Variants in CLDN15 observed in about 807,000 individuals in gnomAD.
CLDN15 encodes the protein claudin-15.
CLDN15 carries 9 observed loss-of-function variants against 24.5 expected under a neutral mutation model. That is an observed-to-expected ratio of 0.37 (90% CI 0.22 to 0.64). CLDN15 has a LOEUF of 0.64. CLDN15 is among the 30% of genes least tolerant of loss of function. CLDN15 has a pLI of 0.63. For synonymous variants in CLDN15, 149 were observed against 131.4 expected, an observed-to-expected ratio of 1.13 and a Z score of -0.92; for missense variants, 248 against 305.9, an observed-to-expected ratio of 0.81 and a Z score of 1.41.
Position 101,236,260 on chromosome 7 carries a change from T to G in CLDN15, c.217+1105A>C, listed in dbSNP as rs1039007357. 7.3e-3 allele frequency among the ~76,000 whole-genome samples: 1,058 copies of G among 144,982 alleles called. 3 individuals carry two copies. Among genetic ancestry groups the G allele is most frequent in the Non-Finnish European group, 0.011 (738 of 65,306 alleles). ...TACTCAGCTTTTATAGGGTTTTTTT[T>G]GGGGGGGGGGCCCGCCGGCCCTGCA... On this transcript the variant is annotated intron_variant, in intron 1 of 4. Transcript: ENST00000308344.
intron 1 of CLDN15, among the ~76,000 whole-genome samples, chr7:101,235,646 G>GA (rs1478912268): frequency 2.6e-5 from 4 of 152,178 alleles, no homozygotes; most frequent in African/African-American, 9.7e-5. Context: ...TGCTGAAGGG[G>GA]AAAGGCTGGG....
chr7:101,232,685 C>T lies in CLDN15; in HGVS notation c.500G>A (p.Ser167Asn). 6.3e-7 allele frequency: 1 copy of T among 1,593,366 alleles called. No homozygotes were observed. Among genetic ancestry groups the T allele is most frequent in the Non-Finnish European group, 8.5e-7 (1 of 1,170,504 alleles). Residue 167 changes from serine (S) to asparagine (N), a missense_variant, in exon 4 of 5, where the codon AGC (serine) becomes AAC (asparagine). Transcript: ENST00000308344. Reference protein sequence around the residue: ...ELGPALYLGWSASLISILGGL... With the variant: ...ELGPALYLGWNASLISILGGL... ...ACCCAGGATGGAGATCAGTGAGGCG[C>T]TCCACCCCAGGTAGAGGGCGGGGCC...
Position 101,232,273 on chromosome 7 carries a change from C to T in CLDN15, c.*137G>A. 1 of 621,518 alleles carries T rather than the reference C, an allele frequency of 1.6e-6. No homozygotes were observed. The highest frequency in any genetic ancestry group is 2.0e-5 in the South Asian group (1 of 50,648). 38.5% of individuals were successfully genotyped at this position (621,518 alleles called of 1,614,324 possible). On this transcript the variant is annotated 3_prime_UTR_variant, in exon 5 of 5. Transcript: ENST00000308344. The stretch of plus-strand genomic sequence containing the variant: ...CTGGAGGGGCCATGAGAGTGCAAGA[C>T]ACGGGGCCGTGGCCGGGGCGGGGCT...
intron 2 of CLDN15, chr7:101,233,764 A>ATTTTTTTTTTTT (rs746861741): frequency 1.0e-4 from 9 of 88,546 alleles, no homozygotes; most frequent in Non-Finnish European, 1.7e-4. Context: ...CGCCTGGCTA[A>ATTTTTTTTTTTT]TTTTTTTTTT....
At chr7:101,236,408 A>G (rs1055652681) in intron 1 of CLDN15, among the ~76,000 whole-genome samples, 7 of 152,154 alleles carry the variant, frequency 4.6e-5, no homozygotes, top group Admixed American at 3.3e-4. Context: ...AGCAGCTCCA[A>G]CATCCCCGGG....
intron 2 of CLDN15, chr7:101,234,045 C>T: frequency 2.9e-6 from 2 of 693,784 alleles, no homozygotes; most frequent in Non-Finnish European, 5.3e-6. Flanking sequence ...GTCCCTCCCA[C>T]ACCTGGCCGT....
In CLDN15 at chr7:101,232,164, T is replaced by C; in HGVS notation, c.*246A>G. On this transcript the variant is annotated 3_prime_UTR_variant, in exon 5 of 5. Transcript: ENST00000308344. ...ACAAACGTGCGGGGACACCGTCCCC[T>C]TCACAGCCCAGAACCCAGGGTCAGA... The C allele has an allele frequency of 2.0e-6, 1 of 500,438 alleles. No individual in the cohort carries two copies. The highest frequency in any genetic ancestry group is 3.5e-6 in the Non-Finnish European group (1 of 282,654). The allele number at this position is 500,438 out of a possible 1,614,324, so 31.0% of individuals were successfully genotyped here.
chr7:101,236,545 ACG>A (rs1476595065), intron 1 of CLDN15, among the ~76,000 whole-genome samples: 1 of 152,160 alleles, frequency 6.6e-6, no homozygotes, highest in African/African-American at 2.4e-5. Flanking sequence ...CACACAGTTC[ACG>A]GTCGCCAGCG....
chr7:101,236,778 C>T (rs1164232448), intron 1 of CLDN15: 1 of 1,291,352 alleles, frequency 7.7e-7, no homozygotes, highest in South Asian at 1.2e-5. Context: ...ACAGCGGACG[C>T]TCAACCTGCA....
At chr7:101,237,869 A>C (rs1584268891), upstream of CLDN15, 10 of 415,848 alleles carry the variant, frequency 2.4e-5, no homozygotes, top group Non-Finnish European at 4.1e-5. The surrounding 1 kb of genome is among the most constrained non-coding windows in gnomAD (Gnocchi z 4.0). Flanking sequence ...CCAAAAGTCC[A>C]CCCCCTCCCC....
In CLDN15 at chr7:101,237,181, G is replaced by A. The variant is rs541232572; in HGVS notation, c.217+184C>T. Among the ~76,000 whole-genome samples the A allele has an allele frequency of 5.9e-5, 9 of 151,788 alleles. No homozygotes were observed. Among genetic ancestry groups the A allele is most frequent in the Admixed American group, 2.6e-4 (4 of 15,264 alleles). ...GCGCCACACTAGCGCAGGGGGCCAC[G>A]TGTGGCAAGGTCTTCACTCCAGTTC... On this transcript the variant is annotated intron_variant, in intron 1 of 4. Coordinates refer to ENST00000308344, the MANE Select transcript of CLDN15 (RefSeq NM_014343.3). This position sits in a 1 kb window ranked among gnomAD's most constrained non-coding sequence, Gnocchi z 4.0.
intron 1 of CLDN15, among the ~76,000 whole-genome samples, chr7:101,235,702 G>A (rs1280206838): frequency 6.6e-6 from 1 of 152,152 alleles, no homozygotes; most frequent in Non-Finnish European, 1.5e-5. Context: ...GTAGGCAGGA[G>A]GGACAAAGTT....
In CLDN15 at chr7:101,236,817, C is replaced by A. The variant is rs991149728; in HGVS notation, c.217+548G>T. 9 of 1,291,148 alleles carry A rather than the reference C, an allele frequency of 7.0e-6. No individual in the cohort carries two copies. In the Admixed American group the frequency reaches 1.8e-4, roughly 26 times the overall value. The allele number at this position is 1,291,148 out of a possible 1,614,324, so 80.0% of individuals were successfully genotyped here. On this transcript the variant is annotated intron_variant, in intron 1 of 4. Transcript: ENST00000308344. Reference sequence around the variant, plus strand: ...TGCAAGACGCCTCCCTTCACAGGGGCCCTTTATAGACATCAGCCGGACAAG... The same window carrying A: ...TGCAAGACGCCTCCCTTCACAGGGGACCTTTATAGACATCAGCCGGACAAG...
chr7:101,233,364 A>G (rs913196927), intron 2 of CLDN15, among the ~76,000 whole-genome samples: 1 of 151,710 alleles, frequency 6.6e-6, no homozygotes, highest in Admixed American at 6.6e-5. Flanking sequence ...GCACCACCCT[A>G]CTCACTGGGG....
In CLDN15 at chr7:101,232,453, C is replaced by T. The variant is rs774025874; in HGVS notation, c.644G>A (p.Gly215Asp). The T allele has an allele frequency of 3.1e-6, 5 of 1,613,476 alleles. No homozygotes were observed. ...GCCGTATTTGCCAAAGCTGCTGTCG[C>T]CTTCTTGGTCCGAGGTGGCGACGGG... ...VMPVATSDQEGDSSFGKYGRN... is the reference protein window; with the variant it reads ...VMPVATSDQEDDSSFGKYGRN... Residue 215 changes from glycine to aspartate, a missense_variant, in exon 5 of 5, where the codon GGC becomes GAC. Coordinates refer to ENST00000308344, the MANE Select transcript of CLDN15 (RefSeq NM_014343.3).
At position 101,234,419 on chromosome 7, in the gene CLDN15, G is replaced by A. The variant is rs573348730; in HGVS notation, c.241C>T (p.Leu81Phe). The part of the protein sequence containing the change: ...LSGYIQACRA[L>F]MITAILLGFL... The stretch of plus-strand genomic sequence containing the variant: ...CCCAGGAGGATGGCGGTGATCATGA[G>A]TGCCCGGCAGGCCTGAATATACCCT... Residue 81 changes from leucine (L) to phenylalanine (F), a missense_variant, in exon 2 of 5, where the codon CTC (leucine) becomes TTC (phenylalanine). Transcript: ENST00000308344. 4 of 1,613,110 alleles carry A rather than the reference G, an allele frequency of 2.5e-6. No homozygotes were observed. Among genetic ancestry groups the A allele is most frequent in the East Asian group, 2.2e-5 (1 of 44,844 alleles).
chr7:101,232,471 G>A lies in CLDN15; in HGVS notation c.626C>T (p.Ala209Val). The change falls in exon 5 of 5, where the codon GCC becomes GTC. Residue 209 changes from alanine to valine, a missense_variant. Ala to Val is a moderately conservative substitution (Grantham distance 64). Transcript: ENST00000308344. Reference protein sequence around the residue: ...YQAPVSVMPVATSDQEGDSSF... With the variant: ...YQAPVSVMPVVTSDQEGDSSF... Reference sequence around the variant, plus strand: ...GCTGTCGCCTTCTTGGTCCGAGGTGGCGACGGGCATCACGGACACTGGAGC... The same window carrying A: ...GCTGTCGCCTTCTTGGTCCGAGGTGACGACGGGCATCACGGACACTGGAGC... 6.2e-7 allele frequency: 1 copy of A among 1,613,524 alleles called. No individual in the cohort carries two copies.
At chr7:101,238,678 C>CT (rs1798681461), upstream of CLDN15, 1 of 152,298 alleles carries the variant, frequency 6.6e-6, no homozygotes, top group African/African-American at 2.4e-5. Flanking sequence ...AGCATCGAGC[C>CT]TGGTCCTGCT....
intron 1 of CLDN15, among the ~76,000 whole-genome samples, chr7:101,235,658 C>T (rs1192493220): frequency 6.6e-6 from 1 of 152,166 alleles, no homozygotes; most frequent in Admixed American, 6.5e-5. Flanking sequence ...AAGGCTGGGT[C>T]CCTGCCAGGA....
Sources: allele counts gnomAD v4.1 joint callset (sites outside exome capture counted in the v4.1 genomes callset), GRCh38; gene constraint gnomAD v4.1.1; non-coding constraint Gnocchi (gnomAD v3.1); transcripts MANE v1.5; gene names NCBI Gene and HGNC (gene_info 2026-07-23, HGNC 2026-07-21).